The following SEC22A variants were observed in gnomAD, a reference collection of about 807,000 sequenced individuals.
The protein encoded by SEC22A is SEC22 homolog A, vesicle trafficking protein, also known as vesicle-trafficking protein SEC22a.
Under a neutral mutation model 35.3 loss-of-function variants are expected in SEC22A, and 22 were observed. The observed-to-expected ratio is 0.62, with a 90% CI of 0.45 to 0.89. The LOEUF (loss-of-function observed/expected upper bound fraction) is 0.89. Ranked by LOEUF, SEC22A falls within the 40% of genes least tolerant of loss-of-function variation. SEC22A has a pLI of 0.00. For missense variants in SEC22A, 354 were observed against 362.5 expected, an observed-to-expected ratio of 0.98 and a Z score of 0.19; for synonymous variants, 119 against 129.5, an observed-to-expected ratio of 0.92 and a Z score of 0.55.
chr3:123,233,970 A>T (rs1428108619), intron 4 of SEC22A, among the ~76,000 whole-genome samples: 1 of 152,256 alleles, frequency 6.6e-6, no homozygotes, highest in African/African-American at 2.4e-5. Context: ...ATCCACTGAA[A>T]AACTATTTGA....
At chr3:123,221,632 C>CCTT (rs1937126036) in intron 2 of SEC22A, among the ~76,000 whole-genome samples, 1 of 151,762 alleles carries the variant, frequency 6.6e-6, no homozygotes, top group Non-Finnish European at 1.5e-5. Flanking sequence ...AAAAGGGTTA[C>CCTT]TTTGTGTTTT....
At chr3:123,259,460 T>G in intron 5 of SEC22A, 64 bp from the exon 6 acceptor site, 1 of 1,128,664 alleles carries the variant, frequency 8.9e-7, no homozygotes. Context: ...CCTATCTTGA[T>G]GGATTGTTTC....
intron 6 of SEC22A, among the ~76,000 whole-genome samples, chr3:123,261,325 CA>C (rs1937890957): frequency 6.6e-6 from 1 of 151,996 alleles, no homozygotes; most frequent in Non-Finnish European, 1.5e-5. Context: ...TATCCTGTCA[CA>C]AAAGGGATAA....
chr3:123,250,433 AGTT>A (rs1349762158), intron 5 of SEC22A, among the ~76,000 whole-genome samples: 1 of 152,134 alleles, frequency 6.6e-6, no homozygotes, highest in Non-Finnish European at 1.5e-5. Flanking sequence ...AAAAATAAGA[AGTT>A]GGAGGAAAAC....
At chr3:123,206,939 T>C (rs1265709703) in intron 1 of SEC22A, among the ~76,000 whole-genome samples, 3 of 152,044 alleles carry the variant, frequency 2.0e-5, no homozygotes, top group Non-Finnish European at 4.4e-5. Flanking sequence ...AATACAAAAA[T>C]GAGCTGGGTG....
At chr3:123,245,427 T>C (rs1937558130) in intron 4 of SEC22A, among the ~76,000 whole-genome samples, 1 of 152,170 alleles carries the variant, frequency 6.6e-6, no homozygotes, top group South Asian at 2.1e-4. Flanking sequence ...AGATGCAATG[T>C]CTCATGCCTG....
intron 2 of SEC22A, among the ~76,000 whole-genome samples, chr3:123,217,203 A>AT (rs201483175): frequency 0.17 from 24,886 of 144,762 alleles, 2,271 homozygotes; most frequent in Middle Eastern, 0.3. Context: ...ATTCCAAAAC[A>AT]TTTTTTTTTT....
intron 4 of SEC22A, among the ~76,000 whole-genome samples, chr3:123,239,079 A>G (rs943840269): frequency 6.6e-5 from 10 of 152,136 alleles, no homozygotes; most frequent in Non-Finnish European, 1.2e-4. Context: ...AGATTTACGT[A>G]TATTAAAATG....
At chr3:123,266,841 G>A (rs1365266995) in intron 6 of SEC22A, among the ~76,000 whole-genome samples, 2 of 152,060 alleles carry the variant, frequency 1.3e-5, no homozygotes, top group South Asian at 2.1e-4. Flanking sequence ...TCTGTCTAGT[G>A]TTATACCAGT....
At chr3:123,248,136 CT>C (rs1446761306) in intron 5 of SEC22A, among the ~76,000 whole-genome samples, 1 of 152,138 alleles carries the variant, frequency 6.6e-6, no homozygotes, top group Admixed American at 6.6e-5. Flanking sequence ...ATGCTTCCCC[CT>C]AAGACCAGGA....
intron 6 of SEC22A, among the ~76,000 whole-genome samples, chr3:123,265,215 A>G (rs1376219717): frequency 1.3e-5 from 2 of 152,192 alleles, no homozygotes; most frequent in Non-Finnish European, 2.9e-5. Flanking sequence ...GATGTGCATA[A>G]GTTAAATGCA....
rs1302808970 is a variant in SEC22A at position 123,271,563 on chromosome 3, A to C, written c.765A>C (p.Lys255Asn). The C allele has an allele frequency of 1.7e-5, 28 of 1,614,058 alleles. No homozygotes were observed. Among genetic ancestry groups the C allele is most frequent in the Non-Finnish European group, 2.3e-5 (27 of 1,179,998 alleles). Residue 255 changes from lysine to asparagine, a missense_variant, in exon 7 of 7, where the codon AAA (lysine) becomes AAC (asparagine). Coordinates refer to ENST00000492595, the MANE Select transcript of SEC22A (RefSeq NM_012430.5). ...LVYYTGWRNV[K>N]SFLTFGLICL... ...ACTACACCGGCTGGCGGAATGTCAA[A>C]TCTTTTTTGACTTTTGGCTTAATCT...
intron 4 of SEC22A, among the ~76,000 whole-genome samples, chr3:123,239,094 A>G (rs1398095140): frequency 6.6e-6 from 1 of 152,018 alleles, no homozygotes; most frequent in East Asian, 1.9e-4. Context: ...AAAATGCACA[A>G]ATCTTTGCTG....
chr3:123,261,550 CTCATT>C (rs2108101393), intron 6 of SEC22A, among the ~76,000 whole-genome samples: 1 of 150,224 alleles, frequency 6.7e-6, no homozygotes, highest in East Asian at 1.9e-4. Flanking sequence ...TACACATGAT[CTCATT>C]TGATTTTTAT....
At chr3:123,236,813 G>GCACACACACA (rs149939306) in intron 4 of SEC22A, among the ~76,000 whole-genome samples, 1 of 150,668 alleles carries the variant, frequency 6.6e-6, no homozygotes, top group Non-Finnish European at 1.5e-5. Flanking sequence ...TAAGAAACAC[G>GCACACACACA]CACACACACA....
At chr3:123,263,431 A>C (rs1937938416) in intron 6 of SEC22A, among the ~76,000 whole-genome samples, 2 of 152,204 alleles carry the variant, frequency 1.3e-5, no homozygotes, top group Admixed American at 1.3e-4. Context: ...TCTAAACCTA[A>C]TTACCTCCCA....
chr3:123,230,382 A>G (rs1175941850), intron 4 of SEC22A, among the ~76,000 whole-genome samples: 1 of 152,218 alleles, frequency 6.6e-6, no homozygotes, highest in Non-Finnish European at 1.5e-5. Context: ...TAAGATAAAT[A>G]TTAACAAGAG....
intron 3 of SEC22A, among the ~76,000 whole-genome samples, chr3:123,224,418 A>G (rs1171537961): frequency 6.6e-6 from 1 of 152,202 alleles, no homozygotes; most frequent in Non-Finnish European, 1.5e-5. Flanking sequence ...AAAACATGCA[A>G]CTTCTAGTGT....
intron 3 of SEC22A, among the ~76,000 whole-genome samples, chr3:123,224,191 T>C (rs1005322310): frequency 1.3e-5 from 2 of 151,724 alleles, no homozygotes; most frequent in South Asian, 4.1e-4. Context: ...TATATTCTAA[T>C]AAAACTTTAC....
Sources: allele counts gnomAD v4.1 joint callset (sites outside exome capture counted in the v4.1 genomes callset), GRCh38; gene constraint gnomAD v4.1.1; transcripts MANE v1.5; gene names NCBI Gene and HGNC (gene_info 2026-07-23, HGNC 2026-07-21).